Variants in MAF observed in about 807,000 individuals in gnomAD.
MAF encodes the protein MAF bZIP transcription factor, also known as transcription factor Maf.
A neutral mutation model predicts 22.0 loss-of-function variants in MAF; 10 were observed. That is an observed-to-expected ratio of 0.45 (90% CI 0.28 to 0.77). MAF has a LOEUF of 0.77. MAF is among the 30% of genes least tolerant of loss of function. MAF has a pLI of 0.12. For missense variants in MAF, 544 were observed against 548.4 expected, an observed-to-expected ratio of 0.99 and a Z score of 0.08; for synonymous variants, 337 against 255.8, an observed-to-expected ratio of 1.32 and a Z score of -3.03.
At chr16:79,498,620 C>T in the MAF span, among the ~76,000 whole-genome samples, 1,876 of 152,264 alleles carry the variant, frequency 0.012, 17 homozygotes, top group Non-Finnish European at 0.02. Context: ...GCTATTAGTA[C>T]GCCCATTATG....
At chr16:79,362,554 C>G in the MAF span, among the ~76,000 whole-genome samples, 2 of 152,264 alleles carry the variant, frequency 1.3e-5, no homozygotes, top group South Asian at 4.1e-4. Context: ...CATGAGGAAA[C>G]AGATTTAGAA....
the MAF span, among the ~76,000 whole-genome samples, chr16:79,274,082 G>A: frequency 1.3e-5 from 2 of 150,202 alleles, no homozygotes; most frequent in Non-Finnish European, 2.9e-5. Flanking sequence ...AGCCTCCCGA[G>A]TAGCTTGGAT....
downstream of MAF, among the ~76,000 whole-genome samples, chr16:79,591,671 G>A (rs151332700): frequency 6.6e-5 from 10 of 152,274 alleles, 1 homozygote; most frequent in African/African-American, 1.7e-4. Flanking sequence ...ATTTCTGTGC[G>A]TCGTTGGTTT....
the MAF span, among the ~76,000 whole-genome samples, chr16:79,510,725 T>C: frequency 1.3e-5 from 2 of 152,226 alleles, no homozygotes; most frequent in Admixed American, 6.5e-5. Flanking sequence ...TGCTCTGCTG[T>C]AGCTGTCTTG....
the MAF span, among the ~76,000 whole-genome samples, chr16:79,487,702 G>T: frequency 6.6e-6 from 1 of 152,180 alleles, no homozygotes; most frequent in Non-Finnish European, 1.5e-5. Context: ...CAGAGGAAAA[G>T]ATGGCTCACT....
chr16:79,289,638 A>G, the MAF span, among the ~76,000 whole-genome samples: 22 of 152,232 alleles, frequency 1.4e-4, no homozygotes, highest in Admixed American at 5.9e-4. Context: ...TATGGTTATC[A>G]TGACAGCTTT....
chr16:79,308,170 A>G, the MAF span, among the ~76,000 whole-genome samples: 5 of 152,362 alleles, frequency 3.3e-5, no homozygotes, highest in East Asian at 3.9e-4. Context: ...TAGACAATCA[A>G]TACGGATCAC....
At chr16:79,378,325 G>A in the MAF span, among the ~76,000 whole-genome samples, 1 of 152,094 alleles carries the variant, frequency 6.6e-6, no homozygotes, top group Non-Finnish European at 1.5e-5. Flanking sequence ...CATAGATGAA[G>A]TTCAAAAGCA....
the MAF span, among the ~76,000 whole-genome samples, chr16:79,463,245 G>T: frequency 6.6e-6 from 1 of 152,226 alleles, no homozygotes; most frequent in African/African-American, 2.4e-5. Flanking sequence ...AGCCATGAAA[G>T]CTATGGTAGG....
chr16:79,245,218 G>T, the MAF span, among the ~76,000 whole-genome samples: 1 of 151,968 alleles, frequency 6.6e-6, no homozygotes, highest in East Asian at 1.9e-4. Flanking sequence ...TTGACAAATG[G>T]GATCTAATTA....
chr16:79,238,208 C>G, the MAF span, among the ~76,000 whole-genome samples: 2 of 151,998 alleles, frequency 1.3e-5, no homozygotes, highest in Non-Finnish European at 2.9e-5. Context: ...GCCCAGCATC[C>G]CCACAACTGC....
the MAF span, among the ~76,000 whole-genome samples, chr16:79,274,777 T>C: frequency 6.6e-6 from 1 of 151,944 alleles, no homozygotes; most frequent in Non-Finnish European, 1.5e-5. Flanking sequence ...GTGCAAGGGG[T>C]CAAGGCTGTG....
the MAF span, among the ~76,000 whole-genome samples, chr16:79,237,917 C>T: frequency 6.6e-6 from 1 of 152,122 alleles, no homozygotes; most frequent in African/African-American, 2.4e-5. Flanking sequence ...TCCTGTGGCT[C>T]AGCATCCCAT....
At chr16:79,526,713 C>T in the MAF span, among the ~76,000 whole-genome samples, 2 of 152,280 alleles carry the variant, frequency 1.3e-5, no homozygotes, top group African/African-American at 4.8e-5. Context: ...TAACCCTGAT[C>T]CGTAGCATTT....
At chr16:79,426,744 G>A in the MAF span, among the ~76,000 whole-genome samples, 1 of 152,246 alleles carries the variant, frequency 6.6e-6, no homozygotes, top group Admixed American at 6.5e-5. Context: ...TCTAGGCAAA[G>A]TGAATTCATA....
chr16:79,470,072 GC>G, the MAF span, among the ~76,000 whole-genome samples: 3 of 152,192 alleles, frequency 2.0e-5, no homozygotes, highest in Non-Finnish European at 4.4e-5. Flanking sequence ...AGGCTCTCAG[GC>G]CATGTCAGGC....
chr16:79,590,206 G>A (rs970328376), downstream of MAF, among the ~76,000 whole-genome samples: 3 of 152,234 alleles, frequency 2.0e-5, no homozygotes, highest in East Asian at 1.9e-4. Flanking sequence ...CCAGGTTGGC[G>A]GAGGGGGGGA....
the MAF span, among the ~76,000 whole-genome samples, chr16:79,385,087 T>A: frequency 6.6e-6 from 1 of 152,192 alleles, no homozygotes; most frequent in African/African-American, 2.4e-5. Flanking sequence ...CCTAGGGAGA[T>A]TGCTAGACAT....
the MAF span, among the ~76,000 whole-genome samples, chr16:79,450,102 T>C: frequency 6.6e-6 from 1 of 152,210 alleles, no homozygotes; most frequent in Admixed American, 6.5e-5. Flanking sequence ...ATGCTGAGAG[T>C]GTAACTTTTC....
Sources: gnomAD v4.1 joint callset for allele counts (sites outside exome capture counted in the v4.1 genomes callset) on GRCh38, gnomAD v4.1.1 for gene constraint, MANE v1.5 for transcripts, NCBI Gene and HGNC (gene_info 2026-07-23, HGNC 2026-07-21) for gene names.